The following NRXN1 variants were observed in gnomAD, a reference collection of about 807,000 sequenced individuals.
NRXN1 encodes the protein neurexin-1.
In NRXN1, 39 loss-of-function variants were observed where a neutral mutation model predicts 150.9. The ratio of observed to expected loss-of-function variants is 0.26; its 90% CI spans 0.20 to 0.34. The LOEUF is 0.34. Among genes scored for constraint, NRXN1 ranks in the 10% least tolerant of loss-of-function variants. The pLI is 1.00. For synonymous variants in NRXN1, 924 were observed against 757.0 expected, an observed-to-expected ratio of 1.22 and a Z score of -3.62; for missense variants, 1,815 against 1,949.9, an observed-to-expected ratio of 0.93 and a Z score of 1.30.
chr2:50,289,621 T>C (rs1057277194), intron 17 of NRXN1, among the ~76,000 whole-genome samples: 1 of 152,216 alleles, frequency 6.6e-6, no homozygotes, highest in Non-Finnish European at 1.5e-5. Flanking sequence ...GGCAATTTAC[T>C]ATTAGCTATG....
At position 50,869,889 on chromosome 2, in the gene NRXN1, C is replaced by A. The variant is rs568901128; in HGVS notation, c.832+51980G>T. 1.1e-4 allele frequency among the ~76,000 whole-genome samples: 16 copies of A among 151,950 alleles called. No homozygotes were observed. In the South Asian group the frequency reaches 3.1e-3, roughly 30 times the overall value. On this transcript the variant is annotated intron_variant, in intron 5 of 22. Coordinates refer to ENST00000401669, the MANE Select transcript of NRXN1 (RefSeq NM_001330078.2). ...GAAAGACTCAACTAATTAAATACAT[C>A]ATTCATTTATTGAATAAACAGTTGC...
intron 5 of NRXN1, among the ~76,000 whole-genome samples, chr2:50,640,056 T>A (rs550233485): frequency 3.0e-4 from 45 of 152,298 alleles, no homozygotes; most frequent in African/African-American, 9.9e-4. Context: ...CATCTCAGGC[T>A]AAGGTGATGT....
intron 5 of NRXN1, among the ~76,000 whole-genome samples, chr2:50,871,449 A>G (rs756637830): frequency 6.6e-6 from 1 of 151,898 alleles, no homozygotes; most frequent in Non-Finnish European, 1.5e-5. Context: ...ACAAACGTAG[A>G]AAGTTCTAAA....
At chr2:50,000,373 G>A (rs1002331221) in intron 21 of NRXN1, among the ~76,000 whole-genome samples, 2 of 152,260 alleles carry the variant, frequency 1.3e-5, no homozygotes, top group African/African-American at 4.8e-5. Context: ...ATTCAAATAT[G>A]TAAATAAAAT....
intron 2 of NRXN1, among the ~76,000 whole-genome samples, chr2:50,986,224 A>G (rs2104937935): frequency 6.6e-6 from 1 of 151,844 alleles, no homozygotes; most frequent in East Asian, 1.9e-4. Context: ...ATTAAAACAG[A>G]AGCTTTATAT....
At chr2:50,208,338 G>C (rs2062763674) in intron 18 of NRXN1, among the ~76,000 whole-genome samples, 1 of 152,072 alleles carries the variant, frequency 6.6e-6, no homozygotes, top group South Asian at 2.1e-4. Flanking sequence ...CAAACAGTGA[G>C]TGTACAGGTT....
chr2:49,955,533 C>T (rs1403968383), intron 21 of NRXN1, among the ~76,000 whole-genome samples: 1 of 151,934 alleles, frequency 6.6e-6, no homozygotes, highest in African/African-American at 2.4e-5. Flanking sequence ...TGAAGCATTC[C>T]TGTCCTTTGA....
chr2:51,007,355 G>A (rs2105153880), intron 2 of NRXN1, among the ~76,000 whole-genome samples: 1 of 151,932 alleles, frequency 6.6e-6, no homozygotes, highest in Non-Finnish European at 1.5e-5. Context: ...AAAAATATGT[G>A]TGCCTATGAC....
At chr2:50,199,333 T>TTC (rs2061994650) in intron 18 of NRXN1, 1 of 152,104 alleles carries the variant, frequency 6.6e-6, no homozygotes, top group African/African-American at 2.4e-5. Flanking sequence ...AAATCATATT[T>TTC]TGAAACCAGG....
At chr2:50,751,784 G>T (rs1190725290) in intron 5 of NRXN1, among the ~76,000 whole-genome samples, 1 of 152,068 alleles carries the variant, frequency 6.6e-6, no homozygotes, top group East Asian at 1.9e-4. Context: ...TCATTTTCCA[G>T]ACTAAAGATA....
intron 5 of NRXN1, among the ~76,000 whole-genome samples, chr2:50,655,489 G>GC (rs1686297260): frequency 6.6e-6 from 1 of 151,954 alleles, no homozygotes; most frequent in African/African-American, 2.4e-5. Context: ...TGACAAGGTT[G>GC]CTGTGCTTGT....
chr2:50,375,906 AC>A (rs2080452926), intron 17 of NRXN1, among the ~76,000 whole-genome samples: 1 of 151,854 alleles, frequency 6.6e-6, no homozygotes, highest in Admixed American at 6.6e-5. Context: ...AATAAATACA[AC>A]CCCTTCACAG....
intron 2 of NRXN1, among the ~76,000 whole-genome samples, chr2:51,026,889 A>C (rs1349510206): frequency 1.3e-5 from 2 of 152,210 alleles, no homozygotes; most frequent in East Asian, 3.9e-4. Flanking sequence ...GAAACGCTTC[A>C]CATCCTCTCT....
intron 16 of NRXN1, among the ~76,000 whole-genome samples, 169 bp from the exon 17 acceptor site, chr2:50,465,730 G>T (rs931849276): frequency 7.2e-5 from 11 of 151,892 alleles, no homozygotes. Context: ...GCTGTAATAT[G>T]AAGGTTTTCT....
chr2:50,863,748 A>C (rs936521969), intron 5 of NRXN1, among the ~76,000 whole-genome samples: 6 of 152,024 alleles, frequency 3.9e-5, no homozygotes, highest in African/African-American at 1.4e-4. Context: ...TTGATTGTTT[A>C]TCATGCTGGA....
intron 18 of NRXN1, among the ~76,000 whole-genome samples, chr2:50,168,834 G>C (rs2059843020): frequency 6.6e-6 from 1 of 152,176 alleles, no homozygotes; most frequent in Admixed American, 6.5e-5. Flanking sequence ...GCAGCTGATG[G>C]TGATTTCGTC....
At chr2:50,886,438 A>G (rs969387878) in intron 5 of NRXN1, among the ~76,000 whole-genome samples, 3 of 151,420 alleles carry the variant, frequency 2.0e-5, no homozygotes, top group African/African-American at 7.3e-5. Flanking sequence ...TTCTATTCAA[A>G]TTAATATTTC....
Position 49,932,491 on chromosome 2 carries a change from T to TCTTTCTC in NRXN1, c.4217-10247_4217-10241dup, listed in dbSNP as rs143607460. Among the ~76,000 whole-genome samples the TCTTTCTC allele has an allele frequency of 3.8e-3, 577 of 152,270 alleles. 4 individuals carry two copies. The highest frequency in any genetic ancestry group is 0.013 in the African/African-American group (550 of 41,558). On this transcript the variant is annotated intron_variant, in intron 22 of 22. Transcript: ENST00000401669. Reference sequence around the variant, plus strand: ...CCTTTTCCTTTTCCCCTTTCACCTTTCTTTCTCCTTTCTCCTTTCCTTTCC... The same window carrying TCTTTCTC: ...CCTTTTCCTTTTCCCCTTTCACCTTTCTTTCTCCTTTCTCCTTTCTCCTTTCCTTTCC...
At chr2:50,738,374 C>A (rs1385763734) in intron 5 of NRXN1, among the ~76,000 whole-genome samples, 2 of 152,142 alleles carry the variant, frequency 1.3e-5, no homozygotes. Flanking sequence ...AAGCAAATTT[C>A]TATTTCAAAG....
Sources: allele counts gnomAD v4.1 joint callset (sites outside exome capture counted in the v4.1 genomes callset), GRCh38; gene constraint gnomAD v4.1.1; transcripts MANE v1.5; gene names NCBI Gene and HGNC (gene_info 2026-07-23, HGNC 2026-07-21).